EDDM13: variants seen among roughly 807,000 people sequenced by gnomAD.
EDDM13 encodes the protein epididymal protein 13.
A neutral mutation model predicts 17.8 loss-of-function variants in EDDM13; 24 were observed. The ratio of observed to expected loss-of-function variants is 1.35; its 90% confidence interval spans 0.98 to 1.90. EDDM13 has a LOEUF of 1.90. EDDM13 is among the 40% of genes most tolerant of loss of function. EDDM13 has a pLI of 0.00. For synonymous variants in EDDM13, 31 were observed against 37.5 expected, an observed-to-expected ratio of 0.83 and a Z score of 0.63; for missense variants, 97 against 100.8, an observed-to-expected ratio of 0.96 and a Z score of 0.16.
chr19:56,280,146 A>G (rs892107754), intron 2 of EDDM13, among the ~76,000 whole-genome samples: 5 of 152,200 alleles, frequency 3.3e-5, no homozygotes, highest in African/African-American at 1.2e-4. Flanking sequence ...TATATATTCA[A>G]AGTCCTCTTG....
chr19:56,280,524 T>C (rs915453721), intron 2 of EDDM13: 3 of 152,176 alleles, frequency 2.0e-5, no homozygotes, highest in African/African-American at 4.8e-5. Context: ...TATAGATATA[T>C]ATTTCTTTAT....
intron 2 of EDDM13, among the ~76,000 whole-genome samples, chr19:56,280,199 C>T (rs2038584942): frequency 6.6e-6 from 1 of 152,194 alleles, no homozygotes; most frequent in South Asian, 2.1e-4. Context: ...ACACACTGTT[C>T]TGTATGCACC....
intron 14 of EDDM13, among the ~76,000 whole-genome samples, chr19:56,309,181 A>C (rs970519211): frequency 1.3e-5 from 2 of 152,224 alleles, no homozygotes; most frequent in African/African-American, 4.8e-5. Flanking sequence ...CACTGTGCTG[A>C]GTGAAAGAAG....
intron 12 of EDDM13, chr19:56,299,724 C>T (rs896397539): frequency 3.9e-5 from 6 of 152,142 alleles, no homozygotes; most frequent in Non-Finnish European, 7.4e-5. Context: ...GTAAATGCTC[C>T]TTAGTTATTG....
intron 6 of EDDM13, among the ~76,000 whole-genome samples, chr19:56,287,579 A>G (rs1219465586): frequency 1.3e-5 from 2 of 152,218 alleles, no homozygotes; most frequent in African/African-American, 4.8e-5. Context: ...ATAAAAAGCA[A>G]AATGTTCTTA....
At chr19:56,285,567 T>C (rs192191258) in intron 6 of EDDM13, among the ~76,000 whole-genome samples, 552 of 152,322 alleles carry the variant, frequency 3.6e-3, no homozygotes, top group Non-Finnish European at 6.5e-3. Flanking sequence ...TTTTTAGTTG[T>C]TTCCTTTCAC....
chr19:56,290,374 G>A (rs1051327402), intron 8 of EDDM13, among the ~76,000 whole-genome samples: 5 of 152,284 alleles, frequency 3.3e-5, no homozygotes, highest in African/African-American at 1.2e-4. Flanking sequence ...TTGTGACTGG[G>A]GCCATGTGGC....
intron 14 of EDDM13, among the ~76,000 whole-genome samples, chr19:56,307,514 G>A (rs2040769253): frequency 6.6e-6 from 1 of 152,192 alleles, no homozygotes; most frequent in Non-Finnish European, 1.5e-5. Context: ...TTATTATGAA[G>A]TGAGGTGATG....
intron 9 of EDDM13, among the ~76,000 whole-genome samples, chr19:56,292,397 G>C (rs2039569442): frequency 6.6e-6 from 1 of 151,390 alleles, no homozygotes; most frequent in South Asian, 2.1e-4. Context: ...TGAGGAACTG[G>C]GACTACAGGT....
At chr19:56,283,327 G>T (rs1600178112) in intron 4 of EDDM13, 1 of 152,084 alleles carries the variant, frequency 6.6e-6, no homozygotes, top group African/African-American at 2.4e-5. Flanking sequence ...TGAGCCAGGA[G>T]CTAGGCTAAG....
At chr19:56,302,211 T>C in intron 13 of EDDM13, 116 bp downstream of exon 13, 2 of 602,548 alleles carry the variant, frequency 3.3e-6, no homozygotes, top group Non-Finnish European at 4.8e-6. Context: ...CAGGAAGTGG[T>C]GGGAGAGCCC....
rs1312432807 is a variant in EDDM13, at chr19:56,278,184, C to T, written c.103+2075C>T. ...TCGCCCAGGCTGGAATACAGTGGCA[C>T]GGTCTCGGCTCGCCATGACATCTGC... On this transcript the variant is annotated intron_variant, in intron 2 of 14. Coordinates refer to ENST00000649256, the MANE Select transcript of EDDM13 (RefSeq NM_001354658.2). Among the ~76,000 whole-genome samples, 8 of 151,724 alleles carry T rather than the reference C, an allele frequency of 5.3e-5. No individual in the cohort carries two copies. In the East Asian group the frequency reaches 5.8e-4, roughly 11 times the overall value.
chr19:56,302,094 G>C lies in EDDM13; in HGVS notation c.422G>C (p.Trp141Ser), dbSNP rs1384467614. The change falls in exon 13 of 15, where the codon TGG becomes TCG. Residue 141 changes from tryptophan (W) to serine (S), a missense_variant and splice_region_variant. Trp to Ser is a radical substitution (Grantham distance 177). Transcript: ENST00000649256. ...YLFVSYNKGD[W>S]CYCHYCNLEL... ...TTCGTATCCTACAACAAAGGGGACT[G>C]GGTAAGAAGAAGGCAGCACGGAGGG... The C allele has an allele frequency of 1.6e-6, 2 of 1,231,774 alleles. No individual in the cohort carries two copies. Among genetic ancestry groups the C allele is most frequent in the East Asian group, 6.3e-5 (2 of 31,684 alleles). 76.3% of individuals were successfully genotyped at this position (1,231,774 alleles called of 1,614,324 possible).
chr19:56,308,617 C>T (rs1406861420), intron 14 of EDDM13, among the ~76,000 whole-genome samples: 1 of 151,238 alleles, frequency 6.6e-6, no homozygotes, highest in Non-Finnish European at 1.5e-5. Context: ...AGCCACCACG[C>T]CCCCCCATAT....
At chr19:56,274,176 G>A (rs954551923) in intron 1 of EDDM13, among the ~76,000 whole-genome samples, 2 of 152,042 alleles carry the variant, frequency 1.3e-5, no homozygotes, top group African/African-American at 2.4e-5. Flanking sequence ...TGTAGAGGTC[G>A]GGCGCGGTGG....
intron 13 of EDDM13, among the ~76,000 whole-genome samples, chr19:56,304,105 G>C (rs965187470): frequency 6.6e-6 from 1 of 152,180 alleles, no homozygotes; most frequent in Admixed American, 6.5e-5. Context: ...GCTGCCTGTG[G>C]AGAGTGGATC....
At chr19:56,291,044 G>A (rs544765093) in intron 9 of EDDM13, among the ~76,000 whole-genome samples, 198 bp downstream of exon 9, 23 of 152,198 alleles carry the variant, frequency 1.5e-4, no homozygotes, top group Non-Finnish European at 2.4e-4. Context: ...GTGGAGAGCC[G>A]TGAGGGTGTG....
intron 11 of EDDM13, 45 bp from the exon 12 acceptor site, chr19:56,297,460 C>T: frequency 2.2e-6 from 2 of 899,390 alleles, no homozygotes; most frequent in Non-Finnish European, 2.7e-6. Flanking sequence ...TCCTCTTCCT[C>T]CTTCTCTTCC....
intron 1 of EDDM13, among the ~76,000 whole-genome samples, chr19:56,275,082 G>C (rs1263567677): frequency 6.6e-6 from 1 of 152,186 alleles, no homozygotes; most frequent in Non-Finnish European, 1.5e-5. Flanking sequence ...ATGTTGATGT[G>C]TCTTATTACC....
Sources: allele counts gnomAD v4.1 joint callset (sites outside exome capture counted in the v4.1 genomes callset), GRCh38; gene constraint gnomAD v4.1.1; transcripts MANE v1.5; gene names NCBI Gene and HGNC (gene_info 2026-07-23, HGNC 2026-07-21).